The following PABPC4L variants were observed in gnomAD, a reference collection of about 807,000 sequenced individuals.
The protein encoded by PABPC4L is poly(A) binding protein cytoplasmic 4 like.
For synonymous variants in PABPC4L, 169 were observed against 164.1 expected, an observed-to-expected ratio of 1.03 and a Z score of -0.23; for missense variants, 452 against 451.4, an observed-to-expected ratio of 1.00 and a Z score of -0.01.
chr4:134,151,087 T>A, the PABPC4L span, among the ~76,000 whole-genome samples: 2 of 152,002 alleles, frequency 1.3e-5, no homozygotes. Context: ...TAGCCAGAAG[T>A]ATAGTATTGT....
the PABPC4L span, among the ~76,000 whole-genome samples, chr4:134,163,817 AC>A: frequency 1.3e-5 from 2 of 152,140 alleles, no homozygotes; most frequent in Non-Finnish European, 2.9e-5. Flanking sequence ...AAAATCCTCA[AC>A]AACTTAGGTA....
chr4:134,007,680 C>A, the PABPC4L span, among the ~76,000 whole-genome samples: 1 of 151,524 alleles, frequency 6.6e-6, no homozygotes, highest in Non-Finnish European at 1.5e-5. Context: ...CTACTACACC[C>A]AAAACTATAG....
chr4:134,029,723 C>A, the PABPC4L span, among the ~76,000 whole-genome samples: 1 of 151,298 alleles, frequency 6.6e-6, no homozygotes, highest in African/African-American at 2.4e-5. Context: ...TATTTTAATT[C>A]TGGACATTTA....
At chr4:133,994,941 G>A in the PABPC4L span, among the ~76,000 whole-genome samples, 45 of 152,070 alleles carry the variant, frequency 3.0e-4, no homozygotes, top group South Asian at 1.2e-3. Context: ...CCCAGATCCC[G>A]GTTGCAACCT....
the PABPC4L span, among the ~76,000 whole-genome samples, chr4:133,949,771 G>C: frequency 1.1e-4 from 16 of 152,104 alleles, no homozygotes; most frequent in Admixed American, 3.3e-4. Context: ...GTGAACTCAA[G>C]AGGCAGAGTT....
chr4:134,189,793 G>T, the PABPC4L span, among the ~76,000 whole-genome samples: 9 of 151,646 alleles, frequency 5.9e-5, no homozygotes. Flanking sequence ...CCCTTCCTTC[G>T]TATGGAATAA....
At chr4:134,190,532 C>T in the PABPC4L span, among the ~76,000 whole-genome samples, 4 of 152,026 alleles carry the variant, frequency 2.6e-5, no homozygotes, top group African/African-American at 9.7e-5. Flanking sequence ...ATTTCTTCAA[C>T]ATTTTCTTTT....
chr4:134,144,246 A>G, the PABPC4L span, among the ~76,000 whole-genome samples: 1 of 151,576 alleles, frequency 6.6e-6, no homozygotes, highest in Non-Finnish European at 1.5e-5. Context: ...AGAAAGAAAG[A>G]AGTTCAACTG....
the PABPC4L span, among the ~76,000 whole-genome samples, chr4:134,187,167 A>G: frequency 1.3e-5 from 2 of 152,210 alleles, no homozygotes; most frequent in East Asian, 1.9e-4. Flanking sequence ...TAGAAATACC[A>G]TTTGACCCAG....
At chr4:134,061,779 A>G in the PABPC4L span, among the ~76,000 whole-genome samples, 4 of 151,818 alleles carry the variant, frequency 2.6e-5, 1 homozygote, top group African/African-American at 4.8e-5. Context: ...ATAAATGCTC[A>G]TGTCTTAATA....
chr4:134,018,551 C>A, the PABPC4L span, among the ~76,000 whole-genome samples: 3 of 152,038 alleles, frequency 2.0e-5, no homozygotes, highest in Non-Finnish European at 4.4e-5. Context: ...CTGTTGTTCC[C>A]TTATTTGTTT....
At chr4:133,992,714 AG>A in the PABPC4L span, among the ~76,000 whole-genome samples, 1 of 152,344 alleles carries the variant, frequency 6.6e-6, no homozygotes, top group African/African-American at 2.4e-5. Flanking sequence ...GAGCATAAAA[AG>A]GATCAATACC....
the PABPC4L span, among the ~76,000 whole-genome samples, chr4:134,180,486 G>A: frequency 2.0e-5 from 3 of 151,682 alleles, no homozygotes; most frequent in African/African-American, 7.3e-5. Flanking sequence ...AGAAACAAGA[G>A]CAAACCAACT....
chr4:133,958,018 C>G, the PABPC4L span, among the ~76,000 whole-genome samples: 1 of 152,192 alleles, frequency 6.6e-6, no homozygotes, highest in Non-Finnish European at 1.5e-5. Context: ...CAGACATTTT[C>G]CCCATTGTTT....
chr4:134,044,422 C>T, the PABPC4L span, among the ~76,000 whole-genome samples: 1 of 152,050 alleles, frequency 6.6e-6, no homozygotes, highest in Non-Finnish European at 1.5e-5. Context: ...CGCCACCACG[C>T]CTGGCTAATT....
At chr4:134,063,198 G>C in the PABPC4L span, among the ~76,000 whole-genome samples, 287 of 152,204 alleles carry the variant, frequency 1.9e-3, 14 homozygotes, top group South Asian at 0.054. Flanking sequence ...GCATTTATCT[G>C]TTCCCATATT....
At chr4:133,989,278 C>T in the PABPC4L span, among the ~76,000 whole-genome samples, 1 of 152,262 alleles carries the variant, frequency 6.6e-6, no homozygotes, top group East Asian at 1.9e-4. Context: ...TTTTCTATCA[C>T]ATCATCAGAC....
At chr4:133,948,797 A>T in the PABPC4L span, among the ~76,000 whole-genome samples, 282 of 152,160 alleles carry the variant, frequency 1.9e-3, no homozygotes, top group African/African-American at 6.4e-3. Flanking sequence ...CAAAAATTTG[A>T]CCCATTGAAC....
At chr4:134,194,544 A>G (rs1406421148), downstream of PABPC4L, among the ~76,000 whole-genome samples, 1 of 151,890 alleles carries the variant, frequency 6.6e-6, no homozygotes, top group East Asian at 1.9e-4. Flanking sequence ...TCACATAAAC[A>G]GAACCAATAA....
Sources: allele counts gnomAD v4.1 joint callset (sites outside exome capture counted in the v4.1 genomes callset), GRCh38; gene constraint gnomAD v4.1.1; transcripts MANE v1.5; gene names NCBI Gene and HGNC (gene_info 2026-07-23, HGNC 2026-07-21).